NRXN1: variants seen among roughly 807,000 people sequenced by gnomAD.
NRXN1 encodes the protein neurexin 1.
Under a neutral mutation model 150.9 loss-of-function variants are expected in NRXN1, and 39 were observed. The ratio of observed to expected loss-of-function variants is 0.26; its 90% CI spans 0.20 to 0.34. NRXN1 has a LOEUF of 0.34. Ranked by LOEUF, NRXN1 falls within the 10% of genes least tolerant of loss-of-function variation. The pLI is 1.00. For missense variants in NRXN1, 1,815 were observed against 1,949.9 expected (o/e 0.93, Z 1.30); for synonymous variants, 924 against 757.0 (o/e 1.22, Z -3.62).
At chr2:50,058,954 T>C (rs1694069285) in intron 19 of NRXN1, among the ~76,000 whole-genome samples, 4 of 152,168 alleles carry the variant, frequency 2.6e-5, no homozygotes, top group Admixed American at 2.6e-4. Flanking sequence ...TGGGTATTTC[T>C]TCACAGCAGT....
intron 17 of NRXN1, among the ~76,000 whole-genome samples, chr2:50,342,763 T>C (rs2077645137): frequency 6.6e-6 from 1 of 152,232 alleles, no homozygotes; most frequent in South Asian, 2.1e-4. Flanking sequence ...ACCCTCTTAG[T>C]TTAAGTTTAA....
intron 2 of NRXN1, among the ~76,000 whole-genome samples, chr2:51,003,176 T>G (rs1700283030): frequency 6.6e-6 from 1 of 151,944 alleles, no homozygotes; most frequent in South Asian, 2.1e-4. Flanking sequence ...TAGAAAGTCT[T>G]GGAGGAACTA....
intron 5 of NRXN1, among the ~76,000 whole-genome samples, chr2:50,700,964 C>T (rs1260549413): frequency 6.6e-6 from 1 of 152,004 alleles, no homozygotes; most frequent in East Asian, 1.9e-4. Flanking sequence ...CTGCGCCCGG[C>T]CAGGGATCAA....
intron 5 of NRXN1, among the ~76,000 whole-genome samples, chr2:50,700,019 A>C (rs1399575798): frequency 6.6e-6 from 1 of 152,208 alleles, no homozygotes; most frequent in East Asian, 1.9e-4. Context: ...GTATGTTTGC[A>C]TAATTAAAAG....
intron 2 of NRXN1, among the ~76,000 whole-genome samples, chr2:50,977,714 C>T (rs756645769): frequency 1.3e-5 from 2 of 151,800 alleles, no homozygotes; most frequent in Non-Finnish European, 3.0e-5. Context: ...TACTTCAATC[C>T]TCTTATCTTT....
rs150366351 is a variant in NRXN1, at chr2:50,560,988, T to G, written c.1321-7963A>C. ...TTAAAACAAAAAAATAGTTAAAAAT[T>G]GGAGAGGGAAAAAACAATATTTTGT... On this transcript the variant is annotated intron_variant, in intron 8 of 22. Coordinates refer to ENST00000401669, the MANE Select transcript of NRXN1 (RefSeq NM_001330078.2). Among the ~76,000 whole-genome samples, 4 of 152,316 alleles carry G rather than the reference T, an allele frequency of 2.6e-5. No homozygotes were observed. The East Asian group carries it at 7.7e-4, about 29-fold the overall frequency.
chr2:50,119,013 G>C lies in NRXN1; in HGVS notation c.3547-27519C>G, dbSNP rs1703473744. 2.7e-5 allele frequency among the ~76,000 whole-genome samples: 4 copies of C among 149,932 alleles called. No individual in the cohort carries two copies. The East Asian group carries it at 5.9e-4, about 22-fold the overall frequency. Reference sequence around the variant, plus strand: ...TTTCGGTTGGTATTACAGAATTGCTGATAAAGCTTTACATTTACATTGGCC... The same window carrying C: ...TTTCGGTTGGTATTACAGAATTGCTCATAAAGCTTTACATTTACATTGGCC... On this transcript the variant is annotated intron_variant, in intron 18 of 22. Coordinates refer to ENST00000401669, the MANE Select transcript of NRXN1 (RefSeq NM_001330078.2).
At chr2:50,610,184 T>G (rs1677799298) in intron 8 of NRXN1, among the ~76,000 whole-genome samples, 1 of 152,180 alleles carries the variant, frequency 6.6e-6, no homozygotes, top group Non-Finnish European at 1.5e-5. Flanking sequence ...ATACTCATTT[T>G]GTTTTGGATG....
intron 17 of NRXN1, among the ~76,000 whole-genome samples, chr2:50,340,698 T>C (rs566175654): frequency 6.6e-6 from 1 of 152,150 alleles, no homozygotes; most frequent in East Asian, 1.9e-4. Flanking sequence ...ATCTTAGAGG[T>C]CTGCTAGTCC....
chr2:51,022,128 C>T (rs1255282106), intron 2 of NRXN1, among the ~76,000 whole-genome samples: 1 of 151,870 alleles, frequency 6.6e-6, no homozygotes, highest in Non-Finnish European at 1.5e-5. Flanking sequence ...TTAAATTTTG[C>T]TTGAAAGTAC....
intron 2 of NRXN1, among the ~76,000 whole-genome samples, chr2:51,021,217 G>A (rs1669554235): frequency 2.6e-5 from 4 of 151,830 alleles, no homozygotes; most frequent in Admixed American, 2.6e-4. Flanking sequence ...TACTTTTTGA[G>A]AGCACAGTTT....
chr2:51,021,051 T>C lies in NRXN1; in HGVS notation c.772+6451A>G, dbSNP rs1180000248. ...GTAAATTTACCTATTCCTATACTTA[T>C]GAATAATGAATAAAAGAAAAGGAAC... On this transcript the variant is annotated intron_variant, in intron 2 of 22. Coordinates refer to ENST00000401669, the MANE Select transcript of NRXN1 (RefSeq NM_001330078.2). Among the ~76,000 whole-genome samples, 4 of 151,828 alleles carry C rather than the reference T, an allele frequency of 2.6e-5. No individual in the cohort carries two copies. In the East Asian group the frequency reaches 7.8e-4, roughly 29 times the overall value.
At chr2:50,697,384 A>C (rs527644362) in intron 5 of NRXN1, among the ~76,000 whole-genome samples, 12 of 152,310 alleles carry the variant, frequency 7.9e-5, no homozygotes, top group African/African-American at 2.6e-4. Context: ...AAAAGTTGGA[A>C]AGAGTGTTAA....
intron 18 of NRXN1, among the ~76,000 whole-genome samples, chr2:50,165,158 T>G (rs1298627017): frequency 1.3e-5 from 2 of 152,044 alleles, no homozygotes; most frequent in African/African-American, 4.8e-5. Context: ...TAACTGAGCT[T>G]CATGTGGAGA....
chr2:50,568,591 A>C (rs578220758), intron 8 of NRXN1, among the ~76,000 whole-genome samples: 2 of 152,214 alleles, frequency 1.3e-5, no homozygotes, highest in African/African-American at 4.8e-5. Flanking sequence ...CTGCAATGAG[A>C]TATCAACTCA....
chr2:50,025,169 CA>C, intron 21 of NRXN1, among the ~76,000 whole-genome samples: 1 of 152,148 alleles, frequency 6.6e-6, no homozygotes, highest in African/African-American at 2.4e-5. Flanking sequence ...GGTGCAGCAA[CA>C]AAAAATGTTC....
At chr2:50,570,831 T>C (rs1027203656) in intron 8 of NRXN1, among the ~76,000 whole-genome samples, 34 of 152,160 alleles carry the variant, frequency 2.2e-4, no homozygotes, top group Admixed American at 7.2e-4. Flanking sequence ...GGATATGATT[T>C]ATTTTGATAT....
chr2:50,880,883 A>C (rs1457099333), intron 5 of NRXN1, among the ~76,000 whole-genome samples: 1 of 151,960 alleles, frequency 6.6e-6, no homozygotes, highest in African/African-American at 2.4e-5. Context: ...GCCTCAGGTA[A>C]CAAGCTTTAA....
At chr2:50,150,657 G>A (rs550399942) in intron 18 of NRXN1, among the ~76,000 whole-genome samples, 19 of 151,892 alleles carry the variant, frequency 1.3e-4, no homozygotes, top group African/African-American at 4.3e-4. Context: ...TTAGGTGTTA[G>A]ATACCTATCT....
Sources: gnomAD v4.1 joint callset for allele counts (sites outside exome capture counted in the v4.1 genomes callset) on GRCh38, gnomAD v4.1.1 for gene constraint, MANE v1.5 for transcripts, NCBI Gene and HGNC (gene_info 2026-07-23, HGNC 2026-07-21) for gene names.